Variants in L3MBTL4 observed in about 807,000 individuals in gnomAD.
The protein encoded by L3MBTL4 is L3MBTL histone methyl-lysine binding protein 4, also known as lethal(3)malignant brain tumor-like protein 4.
In L3MBTL4, 70 loss-of-function variants were observed where a neutral mutation model predicts 84.5. The observed-to-expected ratio is 0.83, with a 90% CI of 0.68 to 1.01. The LOEUF is 1.01. Ranked by LOEUF, L3MBTL4 falls within the 50% of genes least tolerant of loss-of-function variation. L3MBTL4 has a pLI of 0.00. For missense variants in L3MBTL4, 715 were observed against 754.8 expected (o/e 0.95, Z 0.62); for synonymous variants, 274 against 259.8 (o/e 1.05, Z -0.52).
intron 5 of L3MBTL4, among the ~76,000 whole-genome samples, chr18:6,257,500 A>T (rs2146305381): frequency 6.6e-6 from 1 of 152,264 alleles, no homozygotes; most frequent in East Asian, 1.9e-4. Context: ...AAATTTCAAG[A>T]AGCCAGTCTG....
intron 12 of L3MBTL4, among the ~76,000 whole-genome samples, chr18:6,204,723 A>G (rs2045798695): frequency 1.3e-5 from 2 of 152,218 alleles, no homozygotes; most frequent in African/African-American, 4.8e-5. Context: ...CTTTGAGCAC[A>G]ATGCTCCCTG....
chr18:6,249,525 A>T (rs2047832490), intron 5 of L3MBTL4, among the ~76,000 whole-genome samples: 1 of 152,224 alleles, frequency 6.6e-6, no homozygotes, highest in Non-Finnish European at 1.5e-5. Flanking sequence ...GTTGCAAGTA[A>T]CATTACATAG....
rs149043316 is a variant in L3MBTL4 at position 6,327,893 on chromosome 18, G to C, written c.-90-15837C>G. 1.2e-3 allele frequency among the ~76,000 whole-genome samples: 183 copies of C among 152,292 alleles called. 1 individual carries two copies. Among genetic ancestry groups the C allele is most frequent in the African/African-American group, 4.3e-3 (177 of 41,562 alleles). On this transcript the variant is annotated intron_variant, in intron 1 of 18. Transcript: ENST00000317931. ...TTCTTTAGAGGTCTCATTTGCCCCT[G>C]AATATCATCATCAAGTAACCACGTT...
At chr18:6,330,543 A>G (rs562429823) in intron 1 of L3MBTL4, among the ~76,000 whole-genome samples, 1 of 152,346 alleles carries the variant, frequency 6.6e-6, no homozygotes, top group South Asian at 2.1e-4. Context: ...GAACTATGCA[A>G]TTACATGGGT....
chr18:6,414,707 C>T lies in L3MBTL4; in HGVS notation c.-91+94G>A, dbSNP rs1327331821. On this transcript the variant is annotated intron_variant, in intron 1 of 18. Coordinates refer to ENST00000317931, the MANE Select transcript of L3MBTL4 (RefSeq NM_001330559.2). The surrounding 1 kb of genome is among the most constrained non-coding windows in gnomAD (Gnocchi z 5.4). ...CGCGGGAGTCGTGCAGGCCCCTCTACCTGCCCGGGGATGGGGCCACCCCGC... is the reference window on the plus strand; with the variant it reads ...CGCGGGAGTCGTGCAGGCCCCTCTATCTGCCCGGGGATGGGGCCACCCCGC... The T allele has an allele frequency of 2.0e-5, 3 of 151,956 alleles. No homozygotes were observed. The highest frequency in any genetic ancestry group is 4.4e-5 in the Non-Finnish European group (3 of 68,002). The allele number at this position is 151,956 out of a possible 1,614,324, so 9.4% of individuals were successfully genotyped here.
chr18:6,086,025 G>A (rs1449194427), intron 15 of L3MBTL4, among the ~76,000 whole-genome samples: 4 of 152,148 alleles, frequency 2.6e-5, no homozygotes, highest in African/African-American at 9.7e-5. Context: ...ATAGAAAAAG[G>A]TGTGGATATT....
chr18:6,400,228 A>G (rs965830116), intron 1 of L3MBTL4, among the ~76,000 whole-genome samples: 5 of 152,354 alleles, frequency 3.3e-5, no homozygotes, highest in Admixed American at 1.3e-4. Context: ...TCAATATGCC[A>G]ATTTCCTCCC....
intron 14 of L3MBTL4, among the ~76,000 whole-genome samples, chr18:6,123,084 G>T (rs1182776156): frequency 6.6e-6 from 1 of 152,078 alleles, no homozygotes; most frequent in African/African-American, 2.4e-5. Flanking sequence ...GATTCTTGAG[G>T]CATCTTTAGG....
intron 12 of L3MBTL4, among the ~76,000 whole-genome samples, chr18:6,211,555 ATATCT>A (rs1405250209): frequency 6.6e-6 from 1 of 152,226 alleles, no homozygotes; most frequent in African/African-American, 2.4e-5. Context: ...GCTACAGTAA[ATATCT>A]TATGAATAAT....
At chr18:6,358,171 C>A (rs2053528375) in intron 1 of L3MBTL4, among the ~76,000 whole-genome samples, 3 of 152,178 alleles carry the variant, frequency 2.0e-5, no homozygotes. Context: ...ATGAGACTAT[C>A]CTAGAAAATG....
At chr18:6,124,597 G>T (rs1270470473) in intron 14 of L3MBTL4, among the ~76,000 whole-genome samples, 1 of 151,978 alleles carries the variant, frequency 6.6e-6, no homozygotes, top group Admixed American at 6.6e-5. Context: ...AAAAAGGTCT[G>T]GGCTTAAACA....
chr18:6,128,946 C>T (rs779467650), intron 14 of L3MBTL4, among the ~76,000 whole-genome samples: 1 of 151,896 alleles, frequency 6.6e-6, no homozygotes, highest in Non-Finnish European at 1.5e-5. Flanking sequence ...GAGTCAAAAG[C>T]CAAATGGAGA....
intron 12 of L3MBTL4, among the ~76,000 whole-genome samples, chr18:6,203,897 G>A (rs1198576602): frequency 6.6e-6 from 1 of 152,152 alleles, no homozygotes; most frequent in African/African-American, 2.4e-5. Flanking sequence ...GCCACATTCA[G>A]CTCTGGAATG....
chr18:6,331,966 T>C (rs1379434454), intron 1 of L3MBTL4, among the ~76,000 whole-genome samples: 1 of 148,410 alleles, frequency 6.7e-6, no homozygotes, highest in African/African-American at 2.5e-5. Context: ...AGAGGAAATA[T>C]GTAAAAAGCA....
chr18:6,399,165 C>G (rs1057474464), intron 1 of L3MBTL4, among the ~76,000 whole-genome samples: 1 of 152,160 alleles, frequency 6.6e-6, no homozygotes, highest in Non-Finnish European at 1.5e-5. Flanking sequence ...GGACACTGGG[C>G]TTGGTGGCTC....
At chr18:6,222,351 G>A (rs1283486065) in intron 10 of L3MBTL4, among the ~76,000 whole-genome samples, 1 of 152,076 alleles carries the variant, frequency 6.6e-6, no homozygotes, top group African/African-American at 2.4e-5. Context: ...TGATTGTTTT[G>A]CTCAAAGTAT....
intron 4 of L3MBTL4, among the ~76,000 whole-genome samples, chr18:6,288,241 T>G (rs1429192186): frequency 6.6e-6 from 1 of 152,268 alleles, no homozygotes; most frequent in Non-Finnish European, 1.5e-5. Flanking sequence ...TATGTAAATG[T>G]ATTATGTTGT....
intron 1 of L3MBTL4, among the ~76,000 whole-genome samples, chr18:6,318,493 G>GAAAAA (rs1568484410): frequency 7.0e-4 from 2 of 2,842 alleles, no homozygotes; most frequent in African/African-American, 1.9e-3. Context: ...AACAACAATA[G>GAAAAA]TAAAAAAAAA....
intron 12 of L3MBTL4, among the ~76,000 whole-genome samples, chr18:6,205,517 G>T (rs2045836570): frequency 6.6e-6 from 1 of 152,168 alleles, no homozygotes; most frequent in South Asian, 2.1e-4. Flanking sequence ...CTATCAACCT[G>T]TCACCACCAC....
Sources: gnomAD v4.1 joint callset for allele counts (sites outside exome capture counted in the v4.1 genomes callset) on GRCh38, gnomAD v4.1.1 for gene constraint, Gnocchi (gnomAD v3.1) non-coding constraint, MANE v1.5 for transcripts, NCBI Gene and HGNC (gene_info 2026-07-23, HGNC 2026-07-21) for gene names.